LSM6: variants seen among roughly 807,000 people sequenced by gnomAD.
The protein encoded by LSM6 is LSM6 homolog, U6 small nuclear RNA and mRNA degradation associated, also known as U6 snRNA-associated Sm-like protein LSm6.
LSM6 carries 2 observed loss-of-function variants against 13.5 expected under a neutral mutation model. That is an observed-to-expected ratio of 0.15 (90% CI 0.06 to 0.47). The LOEUF (loss-of-function observed/expected upper bound fraction) is 0.47, where lower values mean the gene tolerates loss of function less well. Ranked by LOEUF, LSM6 falls within the 20% of genes least tolerant of loss-of-function variation. The pLI, the probability that LSM6 is intolerant of heterozygous loss-of-function variation, is 0.97. For synonymous variants in LSM6, 43 were observed against 34.9 expected (o/e 1.23, Z -0.82); for missense variants, 58 against 96.4 (o/e 0.60, Z 1.67).
chr4:146,178,902 G>T (rs1426507261), intron 1 of LSM6, among the ~76,000 whole-genome samples: 1 of 152,106 alleles, frequency 6.6e-6, no homozygotes. Context: ...TGGGCTTTGG[G>T]GTCAGCCTTG....
At chr4:146,188,756 G>T (rs1238251558) in intron 3 of LSM6, among the ~76,000 whole-genome samples, 1 of 152,016 alleles carries the variant, frequency 6.6e-6, no homozygotes, top group South Asian at 2.1e-4. Context: ...AGAACATTAG[G>T]TAACACCAAA....
chr4:146,186,240 G>A (rs1030423801), intron 2 of LSM6, among the ~76,000 whole-genome samples: 1 of 152,112 alleles, frequency 6.6e-6, no homozygotes, highest in Non-Finnish European at 1.5e-5. Context: ...AGAGTTTACC[G>A]CTTTTAGCAG....
chr4:146,177,687 TTCCA>T (rs1416743943), intron 1 of LSM6, among the ~76,000 whole-genome samples: 4 of 152,228 alleles, frequency 2.6e-5, no homozygotes, highest in Non-Finnish European at 5.9e-5. Context: ...GATTGTCAAC[TTCCA>T]TTGACATTTT....
chr4:146,188,112 A>G (rs139575104), intron 3 of LSM6, among the ~76,000 whole-genome samples: 1 of 152,172 alleles, frequency 6.6e-6, no homozygotes, highest in Non-Finnish European at 1.5e-5. Flanking sequence ...TCTCTTTGCT[A>G]TAAACTAAAC....
At chr4:146,176,863 T>TG (rs1730122026) in intron 1 of LSM6, among the ~76,000 whole-genome samples, 1 of 152,164 alleles carries the variant, frequency 6.6e-6, no homozygotes, top group South Asian at 2.1e-4. Flanking sequence ...TTCCTTGGAC[T>TG]AGATTCTCAG....
intron 2 of LSM6, among the ~76,000 whole-genome samples, chr4:146,185,776 G>T (rs111336219): frequency 1.4e-5 from 2 of 148,040 alleles, no homozygotes; most frequent in East Asian, 3.9e-4. Flanking sequence ...TCACTCTTTC[G>T]CCCAGGCTGG....
At chr4:146,176,293 C>T (rs1203526761) in intron 1 of LSM6, 1 of 152,292 alleles carries the variant, frequency 6.6e-6, no homozygotes, top group Non-Finnish European at 1.5e-5. Context: ...GGTGGCTGCG[C>T]CTGACCACAG....
chr4:146,188,426 G>A (rs1378644186), intron 3 of LSM6, among the ~76,000 whole-genome samples: 1 of 152,166 alleles, frequency 6.6e-6, no homozygotes, highest in African/African-American at 2.4e-5. Flanking sequence ...GGGGGCGGCT[G>A]TACTGGCATT....
At chr4:146,177,857 G>A (rs1730144951) in intron 1 of LSM6, among the ~76,000 whole-genome samples, 1 of 152,174 alleles carries the variant, frequency 6.6e-6, no homozygotes, top group Non-Finnish European at 1.5e-5. Context: ...CCTGAGCAGG[G>A]TGGGGCAGGG....
At position 146,181,521 on chromosome 4, in the gene LSM6, C is replaced by T. The variant is rs187027340; in HGVS notation, c.-10-1391C>T. On this transcript the variant is annotated intron_variant, in intron 1 of 3. Transcript: ENST00000296581. ...ATCCCGTGTGAATTCACTATGAGAA[C>T]GTCTCCAAATAATCCTTCTCCACAC... Among the ~76,000 whole-genome samples the T allele has an allele frequency of 1.3e-4, 20 of 152,272 alleles. No homozygotes were observed. The East Asian group carries it at 2.7e-3, about 21-fold the overall frequency.
rs1730461855 is a variant in LSM6 at position 146,191,187 on chromosome 4, C to G, written c.*1531C>G. The G allele has an allele frequency of 6.6e-6, 1 of 152,120 alleles. No individual in the cohort carries two copies. Among genetic ancestry groups the G allele is most frequent in the Admixed American group, 6.5e-5 (1 of 15,272 alleles). 9.4% of individuals were successfully genotyped at this position (152,120 alleles called of 1,614,324 possible). ...CAATTTGCTCTTTTATAAATGAGTT[C>G]TTTTAAGGAGAAAATGGATGGCTCT... On this transcript the variant is annotated 3_prime_UTR_variant, in exon 4 of 4. Transcript: ENST00000296581.
intron 2 of LSM6, chr4:146,183,677 G>A (rs895702777): frequency 6.6e-6 from 1 of 152,132 alleles, no homozygotes; most frequent in African/African-American, 2.4e-5. Context: ...GAGGGACGTG[G>A]TCTCTTGGGT....
rs1730425275 is a variant in LSM6 at position 146,189,624 on chromosome 4, T to C, written c.211T>C (p.Leu71=). ...TTTATGTATTTTTTTCTTTTCAGTG[T>C]TGTACATCAGTACACAGAAGAGACG... ...GDAFIRGNNV[L]YISTQKRRM is the part of the protein sequence containing the mutation. Residue 71 remains leucine (L), a splice_region_variant and synonymous_variant, in exon 4 of 4, where the codon TTG becomes CTG. Transcript: ENST00000296581. 2.5e-6 allele frequency: 4 copies of C among 1,593,782 alleles called. No homozygotes were observed. The highest frequency in any genetic ancestry group is 3.4e-6 in the Non-Finnish European group (4 of 1,166,400).
rs1730262261 is a variant in LSM6, at chr4:146,182,906, A to AT, written c.-10-3dup. The AT allele has an allele frequency of 6.5e-7, 1 of 1,539,280 alleles. No homozygotes were observed. The highest frequency in any genetic ancestry group is 9.0e-7 in the Non-Finnish European group (1 of 1,112,034). ...TTTTATTGTTCCTTTTCATATTTTG[A>AT]TTTAGGATTGTTAAAATGAGTCTTC... On this transcript the variant is annotated splice_region_variant and splice_polypyrimidine_tract_variant and intron_variant, in intron 1 of 3. Transcript: ENST00000296581.
intron 1 of LSM6, among the ~76,000 whole-genome samples, chr4:146,180,159 C>T (rs1350800512): frequency 6.6e-6 from 1 of 152,226 alleles, no homozygotes. Flanking sequence ...CTTTGATCTG[C>T]CAAGCCTGGG....
chr4:146,179,945 T>C (rs1269487081), intron 1 of LSM6, among the ~76,000 whole-genome samples: 2 of 152,218 alleles, frequency 1.3e-5, no homozygotes, highest in Admixed American at 6.5e-5. Context: ...TGATTCAAGT[T>C]TGGGAAACTG....
At chr4:146,180,384 T>C (rs1298711288) in intron 1 of LSM6, among the ~76,000 whole-genome samples, 1 of 152,206 alleles carries the variant, frequency 6.6e-6, no homozygotes, top group East Asian at 1.9e-4. Context: ...AGGAAGAGAT[T>C]GATGTTAATT....
Position 146,190,173 on chromosome 4 carries a change from A to C in LSM6, c.*517A>C, listed in dbSNP as rs1229304487. The C allele has an allele frequency of 1.3e-5, 2 of 152,852 alleles. No homozygotes were observed. Among genetic ancestry groups the C allele is most frequent in the African/African-American group, 2.4e-5 (1 of 41,474 alleles). The allele number at this position is 152,852 out of a possible 1,614,324, so 9.5% of individuals were successfully genotyped here. On this transcript the variant is annotated 3_prime_UTR_variant, in exon 4 of 4. Transcript: ENST00000296581. ...GGATCAGAAGTTCAGCCACTGATTGAGTCACCTAAATAAAAAACAGAATTG... is the reference window on the plus strand; with the variant it reads ...GGATCAGAAGTTCAGCCACTGATTGCGTCACCTAAATAAAAAACAGAATTG...
chr4:146,185,863 AG>A (rs1353427413), intron 2 of LSM6, among the ~76,000 whole-genome samples: 2 of 151,804 alleles, frequency 1.3e-5, no homozygotes, highest in African/African-American at 4.8e-5. Context: ...CAGCCTCCCA[AG>A]TAGCTGGGAT....
Sources: gnomAD v4.1 joint callset for allele counts (sites outside exome capture counted in the v4.1 genomes callset) on GRCh38, gnomAD v4.1.1 for gene constraint, MANE v1.5 for transcripts, NCBI Gene and HGNC (gene_info 2026-07-23, HGNC 2026-07-21) for gene names.